Variants in ITGAL observed in about 807,000 individuals in gnomAD.
ITGAL encodes the protein integrin alpha-L.
In ITGAL, 68 loss-of-function variants were observed where a neutral mutation model predicts 138.4. The observed-to-expected ratio is 0.49, with a 90% CI of 0.40 to 0.60. ITGAL has a LOEUF of 0.60. ITGAL is among the 20% of genes least tolerant of loss of function. ITGAL has a pLI of 0.00. For missense variants in ITGAL, 1,256 were observed against 1,478.6 expected, an observed-to-expected ratio of 0.85 and a Z score of 2.47; for synonymous variants, 561 against 584.3, an observed-to-expected ratio of 0.96 and a Z score of 0.57.
chr16:30,482,647 G>T (rs910604764), intron 7 of ITGAL, among the ~76,000 whole-genome samples: 1 of 151,978 alleles, frequency 6.6e-6, no homozygotes, highest in Non-Finnish European at 1.5e-5. Flanking sequence ...AACAGGACCC[G>T]CAATAGGCCC....
chr16:30,498,786 A>G (rs1306525830), intron 15 of ITGAL: 5 of 295,926 alleles, frequency 1.7e-5, no homozygotes, highest in South Asian at 6.5e-5. Flanking sequence ...CTGTGGTCCC[A>G]GATCCTTGGG....
chr16:30,518,703 ACGCCT>A lies in ITGAL; in HGVS notation c.3214_3218del (p.Ala1072ProfsTer9). 1 of 1,613,174 alleles carries A rather than the reference ACGCCT, an allele frequency of 6.2e-7. No homozygotes were observed. Among genetic ancestry groups the A allele is most frequent in the Non-Finnish European group, 8.5e-7 (1 of 1,179,246 alleles). The stretch of plus-strand genomic sequence containing the variant: ...AAGCATTTCCACCTCTATGGCAGCA[ACGCCT>A]CCCTGGCCCAGGTATCTCCACCTCC... On this transcript the variant is annotated frameshift_variant, in exon 29 of 31. Coordinates refer to ENST00000356798, the MANE Select transcript of ITGAL (RefSeq NM_002209.3). LOFTEE classifies it high-confidence loss of function.
intron 16 of ITGAL, 46 bp from the exon 17 acceptor site, chr16:30,499,292 C>T: frequency 1.2e-6 from 2 of 1,613,142 alleles, no homozygotes; most frequent in Non-Finnish European, 1.7e-6. Context: ...GGCTTATGGC[C>T]TGGGATCCCC....
chr16:30,499,734 T>TGTGTATATATATATATATATATATATA (rs71149033), intron 17 of ITGAL, among the ~76,000 whole-genome samples: 5 of 76,642 alleles, frequency 6.5e-5, no homozygotes, highest in East Asian at 4.3e-4. Flanking sequence ...TATATATATA[T>TGTGTATATATATATATATATATATATA]TTTTTTTTTT....
intron 17 of ITGAL, among the ~76,000 whole-genome samples, chr16:30,499,733 A>ATATATATAT: frequency 2.3e-5 from 2 of 88,380 alleles, no homozygotes; most frequent in African/African-American, 6.0e-5. Flanking sequence ...ATATATATAT[A>ATATATATAT]TTTTTTTTTT....
At chr16:30,509,264 C>T (rs1264077456) in intron 21 of ITGAL, 2 of 152,066 alleles carry the variant, frequency 1.3e-5, no homozygotes, top group Middle Eastern at 3.2e-3. Flanking sequence ...CCTACTGTTA[C>T]CCAGTTATGA....
chr16:30,494,438 T>C lies in ITGAL; in HGVS notation c.1365+75T>C, dbSNP rs908563526. On this transcript the variant is annotated intron_variant, in intron 12 of 30. Transcript: ENST00000356798. The surrounding 1 kb of genome is among the most constrained non-coding windows in gnomAD (Gnocchi z 4.2). Reference sequence around the variant, plus strand: ...ATCACACTCCCTTCTGTCCTTTGAATGCTCATCCACTTACCATGTGGCAGC... The same window carrying C: ...ATCACACTCCCTTCTGTCCTTTGAACGCTCATCCACTTACCATGTGGCAGC... The C allele has an allele frequency of 2.3e-5, 34 of 1,451,958 alleles. No individual in the cohort carries two copies. Among genetic ancestry groups the C allele is most frequent in the Non-Finnish European group, 3.0e-5 (32 of 1,075,976 alleles). The allele number at this position is 1,451,958 out of a possible 1,614,324, so 89.9% of individuals were successfully genotyped here.
intron 11 of ITGAL, among the ~76,000 whole-genome samples, chr16:30,493,304 G>A (rs1039112037): frequency 9.8e-5 from 8 of 81,900 alleles, no homozygotes; most frequent in Non-Finnish European, 1.8e-4. Flanking sequence ...TTTTGAGACG[G>A]AGTCTCGCTC....
chr16:30,505,747 G>A (rs762399222), intron 20 of ITGAL, among the ~76,000 whole-genome samples: 3 of 152,154 alleles, frequency 2.0e-5, no homozygotes, highest in East Asian at 1.9e-4. Flanking sequence ...AGCTGGGCAC[G>A]GTGGCTCATG....
intron 25 of ITGAL, 151 bp downstream of exon 25, chr16:30,513,997 AC>A (rs2051129760): frequency 3.1e-6 from 2 of 645,880 alleles, no homozygotes; most frequent in Non-Finnish European, 5.5e-6. Context: ...GCCTCCACTT[AC>A]AGGCTTCCAG....
intron 17 of ITGAL, among the ~76,000 whole-genome samples, chr16:30,501,982 G>A (rs986216166): frequency 3.3e-5 from 5 of 152,020 alleles, no homozygotes; most frequent in Non-Finnish European, 7.4e-5. Context: ...GCAATGAGCT[G>A]TGATTGTGCC....
rs2051261400 is a variant in ITGAL at position 30,522,000 on chromosome 16, C to T, written c.*335C>T. 3.9e-6 allele frequency: 1 copy of T among 257,072 alleles called. No homozygotes were observed. Among genetic ancestry groups the T allele is most frequent in the East Asian group, 8.9e-5 (1 of 11,174 alleles). The allele number at this position is 257,072 out of a possible 1,614,324, so 15.9% of individuals were successfully genotyped here. ...CTCAGGACCTAGGGATGTTCTGGCCCTCACCCCTGCCCTGGGATGTCCACA... is the reference window on the plus strand; with the variant it reads ...CTCAGGACCTAGGGATGTTCTGGCCTTCACCCCTGCCCTGGGATGTCCACA... On this transcript the variant is annotated 3_prime_UTR_variant, in exon 31 of 31. Coordinates refer to ENST00000356798, the MANE Select transcript of ITGAL (RefSeq NM_002209.3).
rs747139921 is a variant in ITGAL at position 30,518,729 on chromosome 16, C to T, written c.3228+10C>T. ...CGCCTCCCTGGCCCAGGTATCTCCA[C>T]CTCCTTGGAAGCCCCAGGAACAGGC... On this transcript the variant is annotated intron_variant, in intron 29 of 30. Transcript: ENST00000356798. 3 of 1,598,934 alleles carry T rather than the reference C, an allele frequency of 1.9e-6. No individual in the cohort carries two copies. The East Asian group carries it at 6.7e-5, about 36-fold the overall frequency.
chr16:30,493,319 G>A (rs958214243), intron 11 of ITGAL, among the ~76,000 whole-genome samples: 13 of 143,544 alleles, frequency 9.1e-5, no homozygotes, highest in Non-Finnish European at 1.7e-4. Flanking sequence ...TCGCTCTGTC[G>A]CCCGGGCTGG....
chr16:30,491,856 A>G (rs190738569), intron 11 of ITGAL, among the ~76,000 whole-genome samples: 5 of 152,232 alleles, frequency 3.3e-5, no homozygotes, highest in African/African-American at 1.2e-4. Context: ...TTACTTAACT[A>G]CTACACAGCT....
At chr16:30,517,994 GT>G (rs2151208060) in intron 28 of ITGAL, 99 bp downstream of exon 28, 1 of 914,968 alleles carries the variant, frequency 1.1e-6, no homozygotes, top group South Asian at 1.3e-5. Flanking sequence ...CTCCATTTTT[GT>G]TTTCCATCTT....
At chr16:30,503,965 G>A (rs1029355024) in intron 17 of ITGAL, 18 of 439,698 alleles carry the variant, frequency 4.1e-5, no homozygotes, top group Admixed American at 1.2e-4. Context: ...CTGGGGAACC[G>A]GGGCTCAGGG....
chr16:30,483,030 T>C (rs2050582499), intron 7 of ITGAL: 1 of 152,210 alleles, frequency 6.6e-6, no homozygotes, highest in Non-Finnish European at 1.5e-5. Context: ...TCTCGCTATG[T>C]TGCCCAGAAT....
rs1220094344 is a variant in ITGAL at position 30,474,285 on chromosome 16, C to A, written c.151C>A (p.Gln51Lys). ...AGRHFGYRVL[Q>K]VGNGVIVGAP... is the part of the protein sequence containing the mutation. Reference sequence around the variant, plus strand: ...GAGGCACTTTGGATACCGCGTCCTGCAGGTCGGAAACGGGTGAGCTGTGCC... The same window carrying A: ...GAGGCACTTTGGATACCGCGTCCTGAAGGTCGGAAACGGGTGAGCTGTGCC... Residue 51 changes from glutamine (Q) to lysine (K), a missense_variant, in exon 2 of 31, where the codon CAG (glutamine) becomes AAG (lysine). By Grantham distance (53) the Gln-to-Lys change is moderately conservative (BLOSUM62 1). Transcript: ENST00000356798. 6.2e-7 allele frequency: 1 copy of A among 1,605,672 alleles called. No homozygotes were observed. The highest frequency in any genetic ancestry group is 8.5e-7 in the Non-Finnish European group (1 of 1,175,766).
Sources: allele counts gnomAD v4.1 joint callset (sites outside exome capture counted in the v4.1 genomes callset), GRCh38; gene constraint gnomAD v4.1.1; non-coding constraint Gnocchi (gnomAD v3.1); transcripts MANE v1.5; gene names NCBI Gene and HGNC (gene_info 2026-07-23, HGNC 2026-07-21).